PLEKHA5: variants seen among roughly 807,000 people sequenced by gnomAD.
PLEKHA5 encodes pleckstrin homology domain containing A5, also known as pleckstrin homology domain-containing family A member 5.
A neutral mutation model predicts 181.9 loss-of-function variants in PLEKHA5; 55 were observed. The observed-to-expected ratio is 0.30, with a 90% confidence interval of 0.24 to 0.38. The LOEUF (loss-of-function observed/expected upper bound fraction) is 0.38. PLEKHA5 is among the 10% of genes least tolerant of loss of function. PLEKHA5 has a pLI of 1.00. For synonymous variants in PLEKHA5, 535 were observed against 529.4 expected (o/e 1.01, Z -0.15); for missense variants, 1,432 against 1,549.5 (o/e 0.92, Z 1.27).
chr12:19,249,643 G>A (rs917918903), intron 3 of PLEKHA5, among the ~76,000 whole-genome samples: 3 of 152,086 alleles, frequency 2.0e-5, no homozygotes, highest in Admixed American at 1.3e-4. Flanking sequence ...GAAAATATTT[G>A]TGTGTATATA....
chr12:19,314,201 G>GACAAT (rs1397763113), intron 15 of PLEKHA5, among the ~76,000 whole-genome samples: 1 of 152,122 alleles, frequency 6.6e-6, no homozygotes, highest in East Asian at 1.9e-4. Context: ...AAGCTAAGGA[G>GACAAT]ACATACCAAG....
intron 3 of PLEKHA5, among the ~76,000 whole-genome samples, chr12:19,210,842 C>T (rs1185762456): frequency 1.3e-5 from 2 of 152,030 alleles, no homozygotes; most frequent in African/African-American, 4.8e-5. Flanking sequence ...GTATATGTTT[C>T]CTGATTGGTC....
At chr12:19,262,867 A>G (rs2068939824) in intron 7 of PLEKHA5, among the ~76,000 whole-genome samples, 2 of 152,154 alleles carry the variant, frequency 1.3e-5, no homozygotes, top group Non-Finnish European at 2.9e-5. Flanking sequence ...CCCTGAACCT[A>G]TAATAGAAGT....
intron 5 of PLEKHA5, among the ~76,000 whole-genome samples, chr12:19,255,578 A>G (rs1455575157): frequency 1.3e-5 from 2 of 151,826 alleles, no homozygotes; most frequent in Non-Finnish European, 2.9e-5. Context: ...ATAGTATTTT[A>G]AATGCCAGTT....
intron 20 of PLEKHA5, among the ~76,000 whole-genome samples, chr12:19,332,237 G>A (rs1430316605): frequency 2.0e-5 from 3 of 152,150 alleles, no homozygotes; most frequent in African/African-American, 7.2e-5. Flanking sequence ...TCATGCCACT[G>A]CCTTCTAGCC....
chr12:19,171,888 C>T (rs2045978287), intron 3 of PLEKHA5, among the ~76,000 whole-genome samples: 1 of 152,154 alleles, frequency 6.6e-6, no homozygotes, highest in African/African-American at 2.4e-5. Context: ...TCAGGATCAT[C>T]AGTATCACTG....
chr12:19,163,669 C>CCTATCTATCTATCTAT (rs71440393), intron 3 of PLEKHA5, among the ~76,000 whole-genome samples: 113 of 150,754 alleles, frequency 7.5e-4, no homozygotes, highest in African/African-American at 2.5e-3. Context: ...GTGTGGTCTT[C>CCTATCTATCTATCTAT]CTATCTATCT....
chr12:19,179,448 G>C (rs2048043500), intron 3 of PLEKHA5, among the ~76,000 whole-genome samples: 2 of 152,180 alleles, frequency 1.3e-5, no homozygotes, highest in South Asian at 2.1e-4. Context: ...CCTGAGGTCA[G>C]GAGTTTGAGA....
chr12:19,281,891 C>T (rs2152792273), intron 11 of PLEKHA5, among the ~76,000 whole-genome samples: 1 of 152,128 alleles, frequency 6.6e-6, no homozygotes, highest in Admixed American at 6.5e-5. Context: ...ACGCCATTCT[C>T]CTGCCTCAGC....
At chr12:19,323,366 T>C (rs1592490455) in intron 20 of PLEKHA5, among the ~76,000 whole-genome samples, 1 of 151,798 alleles carries the variant, frequency 6.6e-6, no homozygotes, top group South Asian at 2.1e-4. Flanking sequence ...CTACTAAAAA[T>C]ACAAAATTAG....
intron 11 of PLEKHA5, 44 bp downstream of exon 11, chr12:19,275,027 C>A: frequency 7.5e-7 from 1 of 1,328,478 alleles, no homozygotes; most frequent in Non-Finnish European, 1.1e-6. Context: ...TTCTTTGATG[C>A]TGTGTTGGTG....
intron 29 of PLEKHA5, among the ~76,000 whole-genome samples, chr12:19,362,303 G>A (rs934350035): frequency 3.0e-4 from 45 of 152,040 alleles, no homozygotes; most frequent in African/African-American, 1.1e-3. Flanking sequence ...GGAGGCCAAC[G>A]GGGGCAGATC....
intron 4 of PLEKHA5, 119 bp downstream of exon 4, chr12:19,254,142 A>G (rs1400937925): frequency 1.5e-6 from 1 of 683,984 alleles, no homozygotes; most frequent in Non-Finnish European, 2.6e-6. Flanking sequence ...AAGTATAATA[A>G]CAGAATGCCA....
At chr12:19,360,584 G>A (rs1229948081) in intron 28 of PLEKHA5, among the ~76,000 whole-genome samples, 1 of 150,406 alleles carries the variant, frequency 6.6e-6, no homozygotes, top group Non-Finnish European at 1.5e-5. Flanking sequence ...GCAGCCTGGA[G>A]GACAGAGTGA....
intron 14 of PLEKHA5, among the ~76,000 whole-genome samples, chr12:19,291,191 CTTTA>C (rs896514898): frequency 6.6e-6 from 1 of 152,046 alleles, no homozygotes; most frequent in African/African-American, 2.4e-5. Flanking sequence ...TTCATTATAG[CTTTA>C]ATAATACTGC....
chr12:19,366,126 T>A lies in PLEKHA5; in HGVS notation c.3754+17T>A. 6.3e-7 allele frequency: 1 copy of A among 1,580,150 alleles called. No individual in the cohort carries two copies. The highest frequency in any genetic ancestry group is 8.6e-7 in the Non-Finnish European group (1 of 1,163,254). On this transcript the variant is annotated intron_variant, in intron 30 of 31. Transcript: ENST00000429027. ...CAATGGCAGGTAGGTAGTATACACT[T>A]CATAATTTTCTACCTGGTGCTTCCT... is the stretch of plus-strand genomic sequence containing the variant.
chr12:19,230,693 G>T (rs2060398579), intron 3 of PLEKHA5, among the ~76,000 whole-genome samples: 1 of 152,114 alleles, frequency 6.6e-6, no homozygotes, highest in Admixed American at 6.5e-5. Flanking sequence ...ACTTGCGCTG[G>T]CCCACAAGCG....
At chr12:19,285,801 T>C (rs936866756) in intron 12 of PLEKHA5, among the ~76,000 whole-genome samples, 1 of 152,248 alleles carries the variant, frequency 6.6e-6, no homozygotes, top group Non-Finnish European at 1.5e-5. Flanking sequence ...CATATTCTTT[T>C]ACTATTACTT....
At chr12:19,331,912 G>A (rs1323549050) in intron 20 of PLEKHA5, among the ~76,000 whole-genome samples, 1 of 152,086 alleles carries the variant, frequency 6.6e-6, no homozygotes, top group Non-Finnish European at 1.5e-5. Flanking sequence ...GTACTACTCA[G>A]GAGGCCAAGG....
Sources: gnomAD v4.1 joint callset for allele counts (sites outside exome capture counted in the v4.1 genomes callset) on GRCh38, gnomAD v4.1.1 for gene constraint, MANE v1.5 for transcripts, NCBI Gene and HGNC (gene_info 2026-07-23, HGNC 2026-07-21) for gene names.